Variants in UGGT1 observed in about 807,000 individuals in gnomAD.
UGGT1 encodes the protein UDP-glucose glycoprotein glucosyltransferase 1.
UGGT1 carries 107 observed loss-of-function variants against 203.9 expected under a neutral mutation model. The ratio of observed to expected loss-of-function variants is 0.52; its 90% confidence interval spans 0.45 to 0.62. The LOEUF is 0.62. UGGT1 is among the 20% of genes least tolerant of loss of function. UGGT1 has a pLI of 0.00. For synonymous variants in UGGT1, 628 were observed against 653.5 expected (o/e 0.96, Z 0.59); for missense variants, 1,673 against 1,867.2 (o/e 0.90, Z 1.92).
chr2:128,161,831 T>A (rs1321823067), intron 25 of UGGT1, among the ~76,000 whole-genome samples: 1 of 152,214 alleles, frequency 6.6e-6, no homozygotes, highest in Non-Finnish European at 1.5e-5. Flanking sequence ...GGATGGACCC[T>A]GGAGTCCATT....
At chr2:128,152,688 C>T in intron 18 of UGGT1, 96 bp from the exon 19 acceptor site, 1 of 1,481,678 alleles carries the variant, frequency 6.7e-7, no homozygotes, top group Non-Finnish European at 9.0e-7. Context: ...CAGAGGAAGC[C>T]ATTTATAAAG....
chr2:128,182,364 A>T, intron 37 of UGGT1, 74 bp downstream of exon 37: 1 of 1,501,862 alleles, frequency 6.7e-7, no homozygotes, highest in Non-Finnish European at 9.0e-7. Context: ...TAAAATTGTG[A>T]ATAGGTAATA....
chr2:128,180,725 T>C (rs567524256), intron 35 of UGGT1, among the ~76,000 whole-genome samples, 165 bp from the exon 36 acceptor site: 13 of 152,262 alleles, frequency 8.5e-5, no homozygotes, highest in Non-Finnish European at 1.9e-4. Context: ...GGTTTATATC[T>C]GTTCTTCTAT....
intron 11 of UGGT1, among the ~76,000 whole-genome samples, chr2:128,123,777 G>A (rs1252183899): frequency 1.3e-5 from 2 of 152,074 alleles, no homozygotes; most frequent in South Asian, 2.1e-4. Context: ...AGGGCATGCC[G>A]GTCATCCTGA....
chr2:128,104,342 T>A (rs969503875), intron 3 of UGGT1, among the ~76,000 whole-genome samples: 1 of 152,216 alleles, frequency 6.6e-6, no homozygotes, highest in Non-Finnish European at 1.5e-5. Flanking sequence ...CTAATCTGAT[T>A]CACTATTTTT....
chr2:128,128,255 T>C (rs918471134), intron 12 of UGGT1, among the ~76,000 whole-genome samples: 5 of 152,140 alleles, frequency 3.3e-5, no homozygotes, highest in African/African-American at 9.7e-5. Flanking sequence ...ATTTGTTGTT[T>C]TGAGATGGAG....
At chr2:128,110,223 G>C (rs904581318) in intron 5 of UGGT1, among the ~76,000 whole-genome samples, 5 of 152,124 alleles carry the variant, frequency 3.3e-5, no homozygotes, top group Admixed American at 2.6e-4. Context: ...CCCAAAGGTG[G>C]GTTTCCTGTG....
intron 27 of UGGT1, 22 bp downstream of exon 27, chr2:128,170,412 T>A (rs1403550826): frequency 6.2e-7 from 1 of 1,601,102 alleles, no homozygotes; most frequent in African/African-American, 1.3e-5. Context: ...GTGCAGGAAG[T>A]GTACATCACC....
chr2:128,127,477 T>C, intron 12 of UGGT1, 25 bp downstream of exon 12: 2 of 1,565,386 alleles, frequency 1.3e-6, no homozygotes, highest in Non-Finnish European at 1.8e-6. Flanking sequence ...TTTCATTCTC[T>C]GAAAAGTTTT....
intron 19 of UGGT1, 123 bp downstream of exon 19, chr2:128,153,027 G>A: frequency 1.4e-6 from 2 of 1,407,196 alleles, no homozygotes; most frequent in Non-Finnish European, 1.9e-6. Context: ...CCAAGATTGT[G>A]ACAAAATTTT....
intron 3 of UGGT1, among the ~76,000 whole-genome samples, chr2:128,104,709 C>T (rs891751663): frequency 4.6e-5 from 7 of 151,984 alleles, no homozygotes; most frequent in Non-Finnish European, 1.0e-4. Context: ...TGCAGTGGTA[C>T]GATCTGGGCT....
Position 128,157,256 on chromosome 2 carries a change from T to C in UGGT1, c.2265T>C (p.Asp755=), listed in dbSNP as rs1295998860. The change falls in exon 22 of 41, where the codon GAT becomes GAC. Residue 755 remains aspartate, a synonymous_variant. Coordinates refer to ENST00000259253, the MANE Select transcript of UGGT1 (RefSeq NM_020120.4). ...GCTGTTTTTGTTTTTCTACAGATGATTCTTTTATTAGGCCAGTAACTTTTT... is the reference window on the plus strand; with the variant it reads ...GCTGTTTTTGTTTTTCTACAGATGACTCTTTTATTAGGCCAGTAACTTTTT... ...KGMSSKEIYD[D]SFIRPVTFWI... 6.2e-7 allele frequency: 1 copy of C among 1,613,706 alleles called. No individual in the cohort carries two copies. The highest frequency in any genetic ancestry group is 1.7e-5 in the Admixed American group (1 of 60,028).
intron 8 of UGGT1, among the ~76,000 whole-genome samples, chr2:128,118,636 A>G (rs549007286): frequency 6.6e-6 from 1 of 152,310 alleles, no homozygotes; most frequent in South Asian, 2.1e-4. Context: ...ATGCATTCAC[A>G]GCACAAAGGT....
At chr2:128,133,570 A>T (rs1202062826) in intron 14 of UGGT1, among the ~76,000 whole-genome samples, 1 of 151,976 alleles carries the variant, frequency 6.6e-6, no homozygotes, top group African/African-American at 2.4e-5. Context: ...TTAATTTTTT[A>T]ATTTTTATTT....
intron 27 of UGGT1, among the ~76,000 whole-genome samples, chr2:128,170,957 C>T (rs940736837): frequency 6.6e-6 from 1 of 152,166 alleles, no homozygotes; most frequent in Non-Finnish European, 1.5e-5. Context: ...TGCTGCTTCC[C>T]CACAGGAACT....
At chr2:128,098,605 C>T (rs927083592) in intron 2 of UGGT1, among the ~76,000 whole-genome samples, 1 of 152,060 alleles carries the variant, frequency 6.6e-6, no homozygotes, top group African/African-American at 2.4e-5. Flanking sequence ...AAAAAAATAG[C>T]TGAGTGTGGT....
At chr2:128,148,887 T>C (rs1381574680) in intron 18 of UGGT1, among the ~76,000 whole-genome samples, 2 of 152,188 alleles carry the variant, frequency 1.3e-5, no homozygotes, top group African/African-American at 4.8e-5. Flanking sequence ...CTGTTGGCAC[T>C]GAGTGAGGTC....
chr2:128,183,937 T>TGTGTGTGTGTGTGTGTGA lies in UGGT1; in HGVS notation c.4359+149_4359+150insTGTGTGTGTGTGTGTGAG, dbSNP rs151153786. On this transcript the variant is annotated intron_variant, in intron 38 of 40. Transcript: ENST00000259253. Reference sequence around the variant, plus strand: ...GTGTGTGTGTGTGTGTGTGTGTGTGTGAGAGAGAGAGAGAGAGAGAGAGAT... The same window carrying TGTGTGTGTGTGTGTGTGA: ...GTGTGTGTGTGTGTGTGTGTGTGTGTGTGTGTGTGTGTGTGTGAGAGAGAGAGAGAGAGAGAGAGAGAT... 2.4e-3 allele frequency: 783 copies of TGTGTGTGTGTGTGTGTGA among 328,178 alleles called. 1 individual carries two copies. Among genetic ancestry groups the TGTGTGTGTGTGTGTGTGA allele is most frequent in the East Asian group, 9.8e-3 (163 of 16,640 alleles). The allele number at this position is 328,178 out of a possible 1,614,324, so 20.3% of individuals were successfully genotyped here. A position where few individuals can be genotyped will look rare whatever the true frequency, so the allele number is the denominator to read the frequency against.
At position 128,170,406 on chromosome 2, in the gene UGGT1, A is replaced by C; in HGVS notation, c.3024+16A>C. On this transcript the variant is annotated intron_variant, in intron 27 of 40. Coordinates refer to ENST00000259253, the MANE Select transcript of UGGT1 (RefSeq NM_020120.4). ...TTTGCTCTTGGTAGGAACGCTGTGC[A>C]GGAAGTGTACATCACCTTTGTTTGA... The C allele has an allele frequency of 6.2e-7, 1 of 1,608,440 alleles. No individual in the cohort carries two copies. The highest frequency in any genetic ancestry group is 8.5e-7 in the Non-Finnish European group (1 of 1,174,872).
Sources: allele counts gnomAD v4.1 joint callset (sites outside exome capture counted in the v4.1 genomes callset), GRCh38; gene constraint gnomAD v4.1.1; transcripts MANE v1.5; gene names NCBI Gene and HGNC (gene_info 2026-07-23, HGNC 2026-07-21).